The following SPOCK3 variants were observed in gnomAD, a reference collection of about 807,000 sequenced individuals.
SPOCK3 encodes testican-3.
SPOCK3 carries 30 observed loss-of-function variants against 56.6 expected under a neutral mutation model. That is an observed-to-expected ratio of 0.53 (90% CI 0.40 to 0.72). SPOCK3 has a LOEUF of 0.72. SPOCK3 is among the 30% of genes least tolerant of loss of function. The probability of loss-of-function intolerance (pLI) is 0.00; values close to 1 mark genes in which losing one functional copy is unlikely to be tolerated. For missense variants in SPOCK3, 527 were observed against 530.0 expected, an observed-to-expected ratio of 0.99 and a Z score of 0.06; for synonymous variants, 196 against 183.3, an observed-to-expected ratio of 1.07 and a Z score of -0.56.
chr4:166,967,797 C>T (rs542536176), intron 4 of SPOCK3, among the ~76,000 whole-genome samples: 1 of 152,192 alleles, frequency 6.6e-6, no homozygotes, highest in South Asian at 2.1e-4. Context: ...AACTGGGTAA[C>T]AGGCAAAGGT....
chr4:167,058,725 G>A (rs1419000773), intron 3 of SPOCK3, among the ~76,000 whole-genome samples: 1 of 152,258 alleles, frequency 6.6e-6, no homozygotes, highest in African/African-American at 2.4e-5. Flanking sequence ...AAAGCTGGAG[G>A]CATCACTCTA....
chr4:166,836,048 C>A (rs1746582935), intron 6 of SPOCK3, among the ~76,000 whole-genome samples: 1 of 152,058 alleles, frequency 6.6e-6, no homozygotes, highest in South Asian at 2.1e-4. Context: ...CTATTGAAAC[C>A]TTTGAGATGC....
chr4:166,926,233 T>C (rs532557257), intron 4 of SPOCK3, among the ~76,000 whole-genome samples: 72 of 152,310 alleles, frequency 4.7e-4, no homozygotes, highest in South Asian at 1.9e-3. Context: ...TTACTAAATA[T>C]AGAACATGAG....
At chr4:166,753,866 C>A (rs979257694) in intron 8 of SPOCK3, among the ~76,000 whole-genome samples, 2 of 151,970 alleles carry the variant, frequency 1.3e-5, no homozygotes, top group African/African-American at 2.4e-5. Context: ...ATTCCATAAG[C>A]CTGATTCCAA....
intron 6 of SPOCK3, among the ~76,000 whole-genome samples, chr4:166,884,163 C>G (rs913666253): frequency 6.6e-6 from 1 of 151,972 alleles, no homozygotes; most frequent in African/African-American, 2.4e-5. Context: ...ATCAACCTGG[C>G]TAACACAGTG....
At chr4:166,867,541 G>T (rs1016132201) in intron 6 of SPOCK3, among the ~76,000 whole-genome samples, 3 of 151,528 alleles carry the variant, frequency 2.0e-5, no homozygotes, top group Non-Finnish European at 4.4e-5. Flanking sequence ...CACTAGAAAT[G>T]AATTCCCTAA....
At chr4:166,875,049 G>T (rs949433862) in intron 6 of SPOCK3, among the ~76,000 whole-genome samples, 2 of 151,932 alleles carry the variant, frequency 1.3e-5, no homozygotes, top group South Asian at 4.1e-4. Context: ...ATAGAGGAGT[G>T]AGTGATCTAC....
In SPOCK3 at chr4:166,862,143, C is replaced by T. The variant is rs571201923; in HGVS notation, c.589+26987G>A. ...GTGTGTATAAATTCAGGAGTTCATG[C>T]AGCAAGTAGGTTCAGATTGGATCAA... is the stretch of plus-strand genomic sequence containing the variant. On this transcript the variant is annotated intron_variant, in intron 6 of 10. Coordinates refer to ENST00000357545, the MANE Select transcript of SPOCK3 (RefSeq NM_001040159.2). Among the ~76,000 whole-genome samples the T allele has an allele frequency of 7.9e-5, 12 of 152,074 alleles. No individual in the cohort carries two copies. The South Asian group carries it at 2.5e-3, about 32-fold the overall frequency.
At position 166,802,518 on chromosome 4, in the gene SPOCK3, T is replaced by C. The variant is rs202000401; in HGVS notation, c.590-10229A>G. On this transcript the variant is annotated intron_variant, in intron 6 of 10. Coordinates refer to ENST00000357545, the MANE Select transcript of SPOCK3 (RefSeq NM_001040159.2). ...TAGACGGCATTTTTTTATTGTTATG[T>C]TTTCACATGGCAGAAAGGCTAACAA... Among the ~76,000 whole-genome samples the C allele has an allele frequency of 3.3e-5, 5 of 152,218 alleles. No homozygotes were observed. In the East Asian group the frequency reaches 9.7e-4, roughly 29 times the overall value.
chr4:167,146,592 G>A (rs757792215), intron 2 of SPOCK3, among the ~76,000 whole-genome samples: 3 of 151,872 alleles, frequency 2.0e-5, no homozygotes. Flanking sequence ...GCGAAAGAAC[G>A]GAAATAATAA....
intron 8 of SPOCK3, among the ~76,000 whole-genome samples, chr4:166,750,193 T>G (rs1331031216): frequency 1.3e-5 from 2 of 152,200 alleles, no homozygotes; most frequent in Non-Finnish European, 2.9e-5. Flanking sequence ...TAGCCAGCTC[T>G]GTAAGTCTAG....
At chr4:167,068,337 G>C (rs944734918) in intron 2 of SPOCK3, among the ~76,000 whole-genome samples, 1 of 151,444 alleles carries the variant, frequency 6.6e-6, no homozygotes, top group Non-Finnish European at 1.5e-5. Flanking sequence ...TCTGAAAATT[G>C]AAACTAATAA....
At chr4:167,054,941 A>C (rs10023610) in intron 3 of SPOCK3, among the ~76,000 whole-genome samples, 4,543 of 152,234 alleles carry the variant, frequency 0.03, 232 homozygotes, top group African/African-American at 0.1. Flanking sequence ...TTTTGTGCTG[A>C]GAATTTACAC....
chr4:166,741,399 T>C (rs1380910975), intron 9 of SPOCK3, among the ~76,000 whole-genome samples: 16 of 152,226 alleles, frequency 1.1e-4, no homozygotes, highest in Admixed American at 9.2e-4. Context: ...ATTCCAAAAA[T>C]AGTTTATTTA....
intron 4 of SPOCK3, among the ~76,000 whole-genome samples, chr4:166,946,384 CCCCAGGCTCAGTCTGCT>C (rs1243365431): frequency 6.6e-6 from 1 of 152,192 alleles, no homozygotes; most frequent in East Asian, 1.9e-4. Context: ...CTAATTCATA[CCCCAGGCTCAGTCTGCT>C]CCCAGGCTCA....
chr4:166,934,672 A>G (rs989161952), intron 4 of SPOCK3, among the ~76,000 whole-genome samples: 1 of 152,152 alleles, frequency 6.6e-6, no homozygotes. Context: ...TGATTATTAA[A>G]ACAATGTTGT....
intron 3 of SPOCK3, chr4:167,011,420 T>TG: frequency 3.6e-6 from 1 of 280,044 alleles, no homozygotes; most frequent in Non-Finnish European, 7.6e-6. Flanking sequence ...TGCCCCAGTA[T>TG]TCCTCAACCT....
At chr4:167,216,161 T>A (rs1335347021) in intron 2 of SPOCK3, among the ~76,000 whole-genome samples, 1 of 151,986 alleles carries the variant, frequency 6.6e-6, no homozygotes, top group Non-Finnish European at 1.5e-5. Flanking sequence ...TCCAGTAGAC[T>A]TAGGAATCAC....
intron 2 of SPOCK3, among the ~76,000 whole-genome samples, chr4:167,170,376 G>C (rs1484217232): frequency 2.0e-5 from 3 of 152,106 alleles, no homozygotes; most frequent in African/African-American, 4.8e-5. Context: ...ACAGTACATA[G>C]AGGCAATCCA....
Sources: gnomAD v4.1 joint callset for allele counts (sites outside exome capture counted in the v4.1 genomes callset) on GRCh38, gnomAD v4.1.1 for gene constraint, MANE v1.5 for transcripts, NCBI Gene and HGNC (gene_info 2026-07-23, HGNC 2026-07-21) for gene names.